The following NPFFR2 variants were observed in gnomAD, a reference collection of about 807,000 sequenced individuals.
NPFFR2 encodes the protein G-protein coupled receptor 74.
A neutral mutation model predicts 13.1 loss-of-function variants in NPFFR2; 15 were observed. The ratio of observed to expected loss-of-function variants is 1.15; its 90% CI spans 0.77 to 1.76. The LOEUF (loss-of-function observed/expected upper bound fraction) is 1.76. Among genes scored for constraint, NPFFR2 ranks in the 40% most tolerant of loss-of-function variants. The pLI is 0.00. For synonymous variants in NPFFR2, 190 were observed against 175.7 expected (o/e 1.08, Z -0.65); for missense variants, 572 against 503.5 (o/e 1.14, Z -1.30).
chr4:72,057,186 A>AATC (rs142309424), intron 1 of NPFFR2, among the ~76,000 whole-genome samples: 2 of 6,164 alleles, frequency 3.2e-4, no homozygotes, highest in African/African-American at 5.7e-4. Flanking sequence ...ACCACTTGGC[A>AATC]ATCATCATCA....
intron 1 of NPFFR2, among the ~76,000 whole-genome samples, chr4:72,047,551 C>G (rs1719413951): frequency 6.6e-6 from 1 of 152,098 alleles, no homozygotes; most frequent in Admixed American, 6.6e-5. Context: ...TTTAGCTCTC[C>G]CTGATCTACT....
intron 1 of NPFFR2, among the ~76,000 whole-genome samples, chr4:72,126,324 C>T (rs1245051053): frequency 1.3e-5 from 2 of 152,210 alleles, no homozygotes; most frequent in Non-Finnish European, 2.9e-5. Context: ...TTTAAGCAGT[C>T]ATTTATAATT....
At chr4:72,075,440 G>T (rs528927915) in intron 1 of NPFFR2, among the ~76,000 whole-genome samples, 2 of 152,002 alleles carry the variant, frequency 1.3e-5, no homozygotes, top group African/African-American at 4.8e-5. Context: ...GGTAAGAAAT[G>T]ACTAAAGAAC....
At position 72,032,194 on chromosome 4, in the gene NPFFR2, G is replaced by A; in HGVS notation, c.-14G>A. On this transcript the variant is annotated 5_prime_UTR_variant, in exon 1 of 4. Transcript: ENST00000308744. The stretch of plus-strand genomic sequence containing the variant: ...GTTCCTGCCGCCGACAGGGCTCGCC[G>A]GGAGAGGTAACAGCATGGGCCAGTT... 1.2e-6 allele frequency: 2 copies of A among 1,607,382 alleles called. No homozygotes were observed. The highest frequency in any genetic ancestry group is 1.8e-4 in the Middle Eastern group (1 of 5,640).
At chr4:72,064,132 G>A (rs920050355) in intron 1 of NPFFR2, among the ~76,000 whole-genome samples, 1 of 152,212 alleles carries the variant, frequency 6.6e-6, no homozygotes, top group Non-Finnish European at 1.5e-5. Flanking sequence ...AGTACTGATG[G>A]TATATTAGTT....
At chr4:72,112,565 C>T (rs1020586238) in intron 1 of NPFFR2, among the ~76,000 whole-genome samples, 4 of 152,008 alleles carry the variant, frequency 2.6e-5, no homozygotes, top group South Asian at 2.1e-4. Context: ...CAAAGTAGCA[C>T]GTGTTTCATT....
intron 1 of NPFFR2, among the ~76,000 whole-genome samples, chr4:72,054,285 A>G (rs1719677054): frequency 6.6e-6 from 1 of 151,930 alleles, no homozygotes; most frequent in African/African-American, 2.4e-5. Flanking sequence ...AAGCACGGCC[A>G]TGTAGACAAA....
chr4:72,047,939 T>C (rs1024620086), intron 1 of NPFFR2, among the ~76,000 whole-genome samples: 2 of 152,102 alleles, frequency 1.3e-5, no homozygotes, highest in African/African-American at 4.8e-5. Flanking sequence ...GTCTAGGGAC[T>C]GTGGGCAAGG....
chr4:72,047,951 G>A (rs1262383288), intron 1 of NPFFR2, among the ~76,000 whole-genome samples: 1 of 152,046 alleles, frequency 6.6e-6, no homozygotes, highest in Non-Finnish European at 1.5e-5. Context: ...TGGGCAAGGA[G>A]TAAAGTTATT....
At chr4:72,137,169 C>A (rs892082636) in intron 2 of NPFFR2, among the ~76,000 whole-genome samples, 1 of 152,006 alleles carries the variant, frequency 6.6e-6, no homozygotes, top group African/African-American at 2.4e-5. Context: ...AAAAGATATA[C>A]TTGAATTATT....
chr4:72,049,593 C>T (rs1011668602), intron 1 of NPFFR2, among the ~76,000 whole-genome samples: 2 of 151,940 alleles, frequency 1.3e-5, no homozygotes, highest in Non-Finnish European at 2.9e-5. Flanking sequence ...ATAATTGTAG[C>T]CTTGAGTATG....
At chr4:72,117,719 A>T (rs1374819364) in intron 1 of NPFFR2, among the ~76,000 whole-genome samples, 1 of 152,224 alleles carries the variant, frequency 6.6e-6, no homozygotes, top group African/African-American at 2.4e-5. Context: ...AGTACAGTGA[A>T]CTGTTTCCCT....
chr4:72,145,452 A>G (rs926495601), intron 3 of NPFFR2, among the ~76,000 whole-genome samples: 2 of 151,894 alleles, frequency 1.3e-5, no homozygotes, highest in Non-Finnish European at 2.9e-5. Context: ...AAATATATGT[A>G]CTTATATATT....
chr4:72,109,702 T>C (rs1437131207), intron 1 of NPFFR2, among the ~76,000 whole-genome samples: 3 of 151,706 alleles, frequency 2.0e-5, no homozygotes, highest in Non-Finnish European at 4.4e-5. Context: ...CCATGAAATT[T>C]GTTGTTGTTG....
intron 1 of NPFFR2, among the ~76,000 whole-genome samples, chr4:72,051,678 A>C (rs1390775779): frequency 6.6e-6 from 1 of 151,962 alleles, no homozygotes; most frequent in Non-Finnish European, 1.5e-5. Flanking sequence ...GACACAAAAA[A>C]CCCTTCAAAA....
At chr4:72,130,091 CAGA>C (rs1722188492) in intron 2 of NPFFR2, among the ~76,000 whole-genome samples, 1 of 150,546 alleles carries the variant, frequency 6.6e-6, no homozygotes, top group Non-Finnish European at 1.5e-5. Flanking sequence ...AATCTCAAGG[CAGA>C]AGAATTTTTC....
At chr4:72,063,375 C>T (rs4337704) in intron 1 of NPFFR2, among the ~76,000 whole-genome samples, 135,768 of 152,236 alleles carry the variant, frequency 0.89, 61,632 homozygotes, top group Non-Finnish European at 0.98. Context: ...CTGCCTACGT[C>T]GAAGCAAACA....
intron 1 of NPFFR2, among the ~76,000 whole-genome samples, chr4:72,072,697 T>C (rs1324745081): frequency 6.6e-6 from 1 of 151,996 alleles, no homozygotes; most frequent in Non-Finnish European, 1.5e-5. Context: ...ATGAAAGATA[T>C]GGAAATAAAC....
At chr4:72,079,533 A>C (rs1030587871) in intron 1 of NPFFR2, among the ~76,000 whole-genome samples, 1 of 152,236 alleles carries the variant, frequency 6.6e-6, no homozygotes, top group Non-Finnish European at 1.5e-5. Context: ...CCTAAATGTA[A>C]AACTTTAAGC....
Sources: gnomAD v4.1 joint callset for allele counts (sites outside exome capture counted in the v4.1 genomes callset) on GRCh38, gnomAD v4.1.1 for gene constraint, MANE v1.5 for transcripts, NCBI Gene and HGNC (gene_info 2026-07-23, HGNC 2026-07-21) for gene names.